COL5A2: variants seen among roughly 807,000 people sequenced by gnomAD.
The protein encoded by COL5A2 is collagen alpha-2(V) chain.
COL5A2 carries 23 observed loss-of-function variants against 208.2 expected under a neutral mutation model. That is an observed-to-expected ratio of 0.11 (90% CI 0.08 to 0.16). COL5A2 has a LOEUF of 0.16. Among genes scored for constraint, COL5A2 ranks in the 10% least tolerant of loss-of-function variants. COL5A2 has a pLI of 1.00. For missense variants in COL5A2, 1,590 were observed against 1,956.4 expected, an observed-to-expected ratio of 0.81 and a Z score of 3.53; for synonymous variants, 625 against 628.5, an observed-to-expected ratio of 0.99 and a Z score of 0.08.
the COL5A2 span, among the ~76,000 whole-genome samples, chr2:189,354,780 T>A: frequency 6.6e-6 from 1 of 152,186 alleles, no homozygotes; most frequent in Non-Finnish European, 1.5e-5. Context: ...TCTATCTCCT[T>A]CAGTTCTGCT....
At chr2:189,177,591 CAT>C (rs1688700166) in intron 1 of COL5A2, among the ~76,000 whole-genome samples, 1 of 152,110 alleles carries the variant, frequency 6.6e-6, no homozygotes, top group African/African-American at 2.4e-5. Context: ...TTTTACAACA[CAT>C]ATGCAAGCAA....
chr2:189,097,520 C>A, intron 5 of COL5A2, 190 bp from the exon 6 acceptor site: 2 of 698,154 alleles, frequency 2.9e-6, no homozygotes, highest in South Asian at 3.1e-5. Flanking sequence ...TTTATGTTAT[C>A]AGTGACATTT....
chr2:189,209,142 G>C (rs1476130655), intron 1 of COL5A2, among the ~76,000 whole-genome samples: 1 of 152,136 alleles, frequency 6.6e-6, no homozygotes, highest in Non-Finnish European at 1.5e-5. Context: ...AGCTTCTACA[G>C]TGATTCCTTT....
chr2:189,324,253 G>T, the COL5A2 span, among the ~76,000 whole-genome samples: 1 of 152,132 alleles, frequency 6.6e-6, no homozygotes, highest in Non-Finnish European at 1.5e-5. Flanking sequence ...ACATAAGCAT[G>T]GGCAAGGATT....
At chr2:189,207,552 C>G (rs1288733666) in intron 1 of COL5A2, among the ~76,000 whole-genome samples, 1 of 152,138 alleles carries the variant, frequency 6.6e-6, no homozygotes, top group Non-Finnish European at 1.5e-5. Context: ...CAATAACCTG[C>G]CTACAGGAAG....
intron 1 of COL5A2, among the ~76,000 whole-genome samples, chr2:189,191,162 A>AAAAAAAAAAAAAAAAAAAAAAAAC (rs374376776): frequency 5.4e-5 from 4 of 73,790 alleles, no homozygotes; most frequent in Admixed American, 1.3e-4. Flanking sequence ...CAAAAAACAA[A>AAAAAAAAAAAAAAAAAAAAAAAAC]CAAACAACAA....
At chr2:189,231,534 C>T in the COL5A2 span, among the ~76,000 whole-genome samples, 1 of 151,672 alleles carries the variant, frequency 6.6e-6, no homozygotes, top group Admixed American at 6.6e-5. Context: ...GCGTTTAAGG[C>T]AACTACATAC....
chr2:189,097,053 C>G (rs1270424861), intron 6 of COL5A2, among the ~76,000 whole-genome samples: 2 of 152,188 alleles, frequency 1.3e-5, no homozygotes, highest in Non-Finnish European at 2.9e-5. Context: ...GACATGTTAA[C>G]TATGCTTCCT....
At chr2:189,369,645 G>A in the COL5A2 span, among the ~76,000 whole-genome samples, 168 of 152,206 alleles carry the variant, frequency 1.1e-3, no homozygotes, top group African/African-American at 3.7e-3. Flanking sequence ...CATTTGTACT[G>A]ATAAAATTGA....
chr2:189,346,839 C>CTTGGG, the COL5A2 span, among the ~76,000 whole-genome samples: 3 of 152,126 alleles, frequency 2.0e-5, no homozygotes, highest in Non-Finnish European at 4.4e-5. Flanking sequence ...AAGGAAGAGG[C>CTTGGG]TTGGGTTGGC....
intron 7 of COL5A2, among the ~76,000 whole-genome samples, chr2:189,089,718 C>T (rs1411569391): frequency 6.6e-6 from 1 of 152,096 alleles, no homozygotes; most frequent in Non-Finnish European, 1.5e-5. Context: ...TCTCATAATA[C>T]TTTAATATTA....
chr2:189,036,846 A>G (rs1241382508), intron 51 of COL5A2, 43 bp from the exon 52 acceptor site: 1 of 1,354,512 alleles, frequency 7.4e-7, no homozygotes, highest in Non-Finnish European at 1.0e-6. Flanking sequence ...AGACAATCTC[A>G]ATCATGACTA....
At chr2:189,129,923 A>G (rs1357702091) in intron 1 of COL5A2, among the ~76,000 whole-genome samples, 1 of 152,062 alleles carries the variant, frequency 6.6e-6, no homozygotes, top group Non-Finnish European at 1.5e-5. Context: ...GTGACCTTGA[A>G]GCAAAGGAAG....
upstream of COL5A2, among the ~76,000 whole-genome samples, chr2:189,226,950 G>A (rs1689428491): frequency 1.3e-5 from 2 of 152,114 alleles, no homozygotes; most frequent in Non-Finnish European, 2.9e-5. Flanking sequence ...GCCCACCATA[G>A]GATGGCAGAC....
the COL5A2 span, among the ~76,000 whole-genome samples, chr2:189,305,241 G>A: frequency 6.6e-6 from 1 of 152,144 alleles, no homozygotes; most frequent in Non-Finnish European, 1.5e-5. Flanking sequence ...AAATGCGTGG[G>A]CCCAACAGCA....
intron 1 of COL5A2, among the ~76,000 whole-genome samples, chr2:189,187,139 T>G (rs1688863217): frequency 6.6e-6 from 1 of 152,180 alleles, no homozygotes; most frequent in East Asian, 1.9e-4. Flanking sequence ...CTTTACACAC[T>G]ATTCCAGCTC....
chr2:189,259,994 C>G, the COL5A2 span, among the ~76,000 whole-genome samples: 1 of 151,906 alleles, frequency 6.6e-6, no homozygotes, highest in Non-Finnish European at 1.5e-5. Context: ...TCAGAAATGC[C>G]CAATGCTGGA....
At chr2:189,260,722 G>C in the COL5A2 span, among the ~76,000 whole-genome samples, 1 of 152,140 alleles carries the variant, frequency 6.6e-6, no homozygotes, top group Admixed American at 6.6e-5. Flanking sequence ...AGGAAAGAAA[G>C]GTGGTGACCA....
the COL5A2 span, among the ~76,000 whole-genome samples, chr2:189,363,421 A>C: frequency 2.0e-5 from 3 of 152,206 alleles, no homozygotes; most frequent in Middle Eastern, 3.4e-3. Flanking sequence ...TAAAATTATC[A>C]TATGTTTTTT....
Sources: allele counts gnomAD v4.1 joint callset (sites outside exome capture counted in the v4.1 genomes callset), GRCh38; gene constraint gnomAD v4.1.1; transcripts MANE v1.5; gene names NCBI Gene and HGNC (gene_info 2026-07-23, HGNC 2026-07-21).